The following HERC1 variants were observed in gnomAD, a reference collection of about 807,000 sequenced individuals.
The protein encoded by HERC1 is probable E3 ubiquitin-protein ligase HERC1.
A neutral mutation model predicts 554.3 loss-of-function variants in HERC1; 160 were observed. The observed-to-expected ratio is 0.29, with a 90% CI of 0.25 to 0.33. The LOEUF (loss-of-function observed/expected upper bound fraction) is 0.33, where lower values mean the gene tolerates loss of function less well. Among genes scored for constraint, HERC1 ranks in the 10% least tolerant of loss-of-function variants. The pLI, the probability that HERC1 is intolerant of heterozygous loss-of-function variation, is 1.00. For synonymous variants in HERC1, 2,175 were observed against 2,131.7 expected, an observed-to-expected ratio of 1.02 and a Z score of -0.56; for missense variants, 4,919 against 5,918.5, an observed-to-expected ratio of 0.83 and a Z score of 5.54.
chr15:63,758,056 C>G lies in HERC1; in HGVS notation c.1221+119G>C. The stretch of plus-strand genomic sequence containing the variant: ...GAAAAAAACTAATGCAGTATATAGA[C>G]CAGAAATAACCATCGATAATTTTCA... On this transcript the variant is annotated intron_variant, in intron 4 of 77. Coordinates refer to ENST00000443617, the MANE Select transcript of HERC1 (RefSeq NM_003922.4). The surrounding 1 kb of genome is among the most constrained non-coding windows in gnomAD (Gnocchi z 4.0). The G allele has an allele frequency of 2.6e-6, 2 of 767,748 alleles. No individual in the cohort carries two copies. The highest frequency in any genetic ancestry group is 4.1e-6 in the Non-Finnish European group (2 of 492,988). The allele number at this position is 767,748 out of a possible 1,614,324, so 47.6% of individuals were successfully genotyped here.
chr15:63,643,325 A>T, intron 58 of HERC1, 79 bp downstream of exon 58: 1 of 1,263,054 alleles, frequency 7.9e-7, no homozygotes, highest in Non-Finnish European at 1.1e-6. Context: ...ATGTTTCTAC[A>T]ATTGGTTAAT....
In HERC1 at chr15:63,672,549, T is replaced by C. The variant is rs768597184; in HGVS notation, c.7992A>G (p.Thr2664=). Residue 2664 remains threonine (T), a synonymous_variant, in exon 39 of 78, where the codon ACA becomes ACG. Transcript: ENST00000443617. The part of the protein sequence containing the change: ...TTTATTPVTD[T]ETVPASESPG... ...GGGACTCGGATGCAGGCACTGTTTC[T>C]GTGTCAGTGACTGGAGTGGTGGCAG... 5 of 1,609,764 alleles carry C rather than the reference T, an allele frequency of 3.1e-6. No individual in the cohort carries two copies. In the South Asian group the frequency reaches 4.4e-5, roughly 14 times the overall value.
intron 65 of HERC1, among the ~76,000 whole-genome samples, chr15:63,635,623 G>A (rs1310713648): frequency 6.6e-6 from 1 of 152,172 alleles, no homozygotes; most frequent in Non-Finnish European, 1.5e-5. Flanking sequence ...TAGGTTAAAA[G>A]CAAAGTTTTC....
intron 2 of HERC1, among the ~76,000 whole-genome samples, chr15:63,766,502 C>G (rs1028958461): frequency 6.6e-6 from 1 of 152,096 alleles, no homozygotes; most frequent in Non-Finnish European, 1.5e-5. Flanking sequence ...GCAGGAAAAT[C>G]GCTTGAACCC....
chr15:63,680,858 T>C lies in HERC1; in HGVS notation c.6226-82A>G. The C allele has an allele frequency of 2.2e-6, 2 of 907,642 alleles. No individual in the cohort carries two copies. Among genetic ancestry groups the C allele is most frequent in the Non-Finnish European group, 3.5e-6 (2 of 579,212 alleles). 56.2% of individuals were successfully genotyped at this position (907,642 alleles called of 1,614,324 possible). On this transcript the variant is annotated intron_variant, in intron 34 of 77. Transcript: ENST00000443617. This position sits in a 1 kb window ranked among gnomAD's most constrained non-coding sequence, Gnocchi z 5.8. ...ACTGCATTAACCAATACTGAAAATA[T>C]GTTTATAAATAATACTAATGCATTT...
intron 19 of HERC1, among the ~76,000 whole-genome samples, chr15:63,722,249 T>C (rs907079389): frequency 6.6e-6 from 1 of 152,176 alleles, no homozygotes; most frequent in Non-Finnish European, 1.5e-5. Context: ...TACTTAATAG[T>C]ATATCTTATC....
In HERC1 at chr15:63,694,472, T is replaced by C; in HGVS notation, c.5320A>G (p.Ile1774Val). The change falls in exon 29 of 78, where the codon ATT (isoleucine) becomes GTT (valine). Residue 1774 changes from isoleucine to valine, a missense_variant. Physicochemically the swap from Ile to Val is conservative, Grantham distance 29. Transcript: ENST00000443617. The surrounding 1 kb of genome is among the most constrained non-coding windows in gnomAD (Gnocchi z 4.3). ...HYQPVDVSLAISTGLLNVLSQ... is the reference protein window; with the variant it reads ...HYQPVDVSLAVSTGLLNVLSQ... ...AATACGTTTAGCAGACCAGTGGAAA[T>C]TGCCAAAGAAACATCTACTGGTTGA... 4.3e-6 allele frequency: 7 copies of C among 1,613,950 alleles called. No individual in the cohort carries two copies. The highest frequency in any genetic ancestry group is 5.9e-6 in the Non-Finnish European group (7 of 1,179,872).
At chr15:63,678,613 T>C (rs2071320559) in intron 36 of HERC1, among the ~76,000 whole-genome samples, 1 of 152,062 alleles carries the variant, frequency 6.6e-6, no homozygotes, top group Admixed American at 6.6e-5. Flanking sequence ...CCAGAGATGT[T>C]AGGAAAATTT....
At chr15:63,743,249 CTT>C (rs1260773975) in intron 12 of HERC1, among the ~76,000 whole-genome samples, 27 of 125,426 alleles carry the variant, frequency 2.2e-4, no homozygotes, top group South Asian at 5.0e-4. Context: ...CTTTTTTTTT[CTT>C]TTTTTCTTTT....
intron 37 of HERC1, among the ~76,000 whole-genome samples, chr15:63,676,067 CTTTTTTGTA>C (rs2071188693): frequency 6.6e-6 from 1 of 152,008 alleles, no homozygotes; most frequent in Non-Finnish European, 1.5e-5. Context: ...CTACGGCTGG[CTTTTTTGTA>C]TTTTTAGTAG....
intron 43 of HERC1, among the ~76,000 whole-genome samples, chr15:63,663,816 T>TA (rs916712172): frequency 6.6e-6 from 1 of 152,122 alleles, no homozygotes; most frequent in African/African-American, 2.4e-5. Context: ...TTTTAGGTTT[T>TA]AAAAAAAATC....
chr15:63,715,075 A>G (rs909591816), intron 22 of HERC1, among the ~76,000 whole-genome samples: 3 of 152,178 alleles, frequency 2.0e-5, no homozygotes, highest in African/African-American at 7.2e-5. Context: ...GAGAATGGTC[A>G]TTGGTGTTTG....
chr15:63,636,384 C>A (rs984626350), intron 64 of HERC1, among the ~76,000 whole-genome samples: 5 of 151,688 alleles, frequency 3.3e-5, no homozygotes, highest in Middle Eastern at 3.2e-3. Flanking sequence ...GATTCTCTTG[C>A]CTCAGCCTCC....
At position 63,633,011 on chromosome 15, in the gene HERC1, G is replaced by A. The variant is rs183632651; in HGVS notation, c.12694-200C>T. Reference sequence around the variant, plus strand: ...CTGAATTTCAGGGAGGGAGTGTGCAGGGGCAGAGGCAGTTTGACTAAAGTC... The same window carrying A: ...CTGAATTTCAGGGAGGGAGTGTGCAAGGGCAGAGGCAGTTTGACTAAAGTC... On this transcript the variant is annotated intron_variant, in intron 67 of 77. Coordinates refer to ENST00000443617, the MANE Select transcript of HERC1 (RefSeq NM_003922.4). Among the ~76,000 whole-genome samples the A allele has an allele frequency of 3.9e-5, 6 of 152,348 alleles. No individual in the cohort carries two copies. The East Asian group carries it at 1.2e-3, about 30-fold the overall frequency.
Position 63,775,584 on chromosome 15 carries a change from C to G in HERC1, c.40G>C (p.Glu14Gln). 1 of 1,607,072 alleles carries G rather than the reference C, an allele frequency of 6.2e-7. No individual in the cohort carries two copies. Among genetic ancestry groups the G allele is most frequent in the Non-Finnish European group, 8.5e-7 (1 of 1,177,102 alleles). ...GTAATCCAGGAGCTGTTCAAGTGTT[C>G]AAGCCATTTCAGCTTCACTGGTGGA... ...MIPPVKLKWL[E>Q]HLNSSWITED... is the part of the protein sequence containing the mutation. The change falls in exon 2 of 78, where the codon GAA (glutamate) becomes CAA (glutamine). Residue 14 changes from glutamate to glutamine, a missense_variant. Transcript: ENST00000443617. The surrounding 1 kb of genome is among the most constrained non-coding windows in gnomAD (Gnocchi z 4.0).
chr15:63,820,232 ACAC>A (rs2077639629), intron 1 of HERC1, among the ~76,000 whole-genome samples: 1 of 152,136 alleles, frequency 6.6e-6, no homozygotes, highest in African/African-American at 2.4e-5. Context: ...CTCCCCCACC[ACAC>A]CACCATCATT....
intron 30 of HERC1, among the ~76,000 whole-genome samples, chr15:63,693,131 T>C (rs892784178): frequency 1.2e-4 from 18 of 151,854 alleles, no homozygotes; most frequent in African/African-American, 3.6e-4. Flanking sequence ...TGAGCCCAGA[T>C]CATGCCACTG....
chr15:63,800,510 C>T (rs545111854), intron 1 of HERC1, among the ~76,000 whole-genome samples: 2 of 152,248 alleles, frequency 1.3e-5, no homozygotes, highest in South Asian at 2.1e-4. Context: ...CAGTACAGTA[C>T]CAGAGATATT....
intron 16 of HERC1, among the ~76,000 whole-genome samples, chr15:63,728,365 A>C (rs1008638826): frequency 6.6e-6 from 1 of 152,196 alleles, no homozygotes; most frequent in African/African-American, 2.4e-5. Flanking sequence ...GTTTTAAATC[A>C]ATTTTATTTC....
Sources: allele counts gnomAD v4.1 joint callset (sites outside exome capture counted in the v4.1 genomes callset), GRCh38; gene constraint gnomAD v4.1.1; non-coding constraint Gnocchi (gnomAD v3.1); transcripts MANE v1.5; gene names NCBI Gene and HGNC (gene_info 2026-07-23, HGNC 2026-07-21).